Variants in THSD4 observed in about 807,000 individuals in gnomAD.
The protein encoded by THSD4 is thrombospondin type 1 domain containing 4, also known as thrombospondin type-1 domain-containing protein 4.
A neutral mutation model predicts 119.0 loss-of-function variants in THSD4; 69 were observed. The ratio of observed to expected loss-of-function variants is 0.58; its 90% CI spans 0.48 to 0.71. The LOEUF (loss-of-function observed/expected upper bound fraction) is 0.71, where lower values mean the gene tolerates loss of function less well. Among genes scored for constraint, THSD4 ranks in the 30% least tolerant of loss-of-function variants. The pLI, the probability that THSD4 is intolerant of heterozygous loss-of-function variation, is 0.00. For missense variants in THSD4, 1,393 were observed against 1,391.1 expected, an observed-to-expected ratio of 1.00 and a Z score of -0.02; for synonymous variants, 524 against 540.4, an observed-to-expected ratio of 0.97 and a Z score of 0.42.
At chr15:71,409,899 T>G (rs1378369498) in intron 6 of THSD4, among the ~76,000 whole-genome samples, 9 of 150,330 alleles carry the variant, frequency 6.0e-5, no homozygotes, top group South Asian at 4.2e-4. Context: ...TTTTTTTTTT[T>G]GTTTTTTTTA....
chr15:71,517,885 A>G (rs917730747), intron 7 of THSD4, among the ~76,000 whole-genome samples: 3 of 152,230 alleles, frequency 2.0e-5, no homozygotes, highest in Non-Finnish European at 2.9e-5. Context: ...TGCCACTTCT[A>G]TTTAATCAGA....
intron 1 of THSD4, among the ~76,000 whole-genome samples, chr15:71,103,147 CT>C (rs34279644): frequency 0.2 from 28,181 of 140,626 alleles, 2,805 homozygotes; most frequent in African/African-American, 0.3. Flanking sequence ...AAAAAGAAGG[CT>C]TTTTTTTTTT....
chr15:71,543,008 A>G (rs2048782906), intron 7 of THSD4, among the ~76,000 whole-genome samples: 2 of 152,158 alleles, frequency 1.3e-5, no homozygotes, highest in South Asian at 2.1e-4. Flanking sequence ...ACCAGGAGAG[A>G]CCACAGAAAT....
intron 7 of THSD4, among the ~76,000 whole-genome samples, chr15:71,524,870 C>A (rs2048497718): frequency 6.6e-6 from 1 of 150,926 alleles, no homozygotes; most frequent in Non-Finnish European, 1.5e-5. Flanking sequence ...CCTCGGCCTC[C>A]CAAAGTGCTG....
At chr15:71,626,779 A>G (rs553728999) in intron 7 of THSD4, among the ~76,000 whole-genome samples, 2 of 152,324 alleles carry the variant, frequency 1.3e-5, no homozygotes, top group South Asian at 2.1e-4. Context: ...ACATTTCAAA[A>G]TAGGTAGCAT....
At chr15:71,257,084 A>G (rs941546613) in intron 6 of THSD4, among the ~76,000 whole-genome samples, 2 of 152,082 alleles carry the variant, frequency 1.3e-5, no homozygotes, top group Non-Finnish European at 2.9e-5. Flanking sequence ...TCCTGCTACA[A>G]GGGGTAGTAT....
intron 8 of THSD4, among the ~76,000 whole-genome samples, chr15:71,699,489 C>G (rs1244665243): frequency 6.6e-6 from 1 of 152,082 alleles, no homozygotes; most frequent in Non-Finnish European, 1.5e-5. Flanking sequence ...TCTTTAAAGC[C>G]AATTATTCCA....
chr15:71,451,227 G>A (rs1216970829), intron 7 of THSD4, among the ~76,000 whole-genome samples: 3 of 152,182 alleles, frequency 2.0e-5, no homozygotes, highest in African/African-American at 7.2e-5. Context: ...CAAGTTATGG[G>A]AGGGTGAGTC....
chr15:71,695,600 C>T (rs965230222), intron 8 of THSD4, among the ~76,000 whole-genome samples: 7 of 151,870 alleles, frequency 4.6e-5, no homozygotes, highest in African/African-American at 1.7e-4. Context: ...CAGAGCCATT[C>T]TCCCTTAGTG....
chr15:71,233,015 GTTC>G (rs1233780537), intron 4 of THSD4, among the ~76,000 whole-genome samples: 1 of 152,182 alleles, frequency 6.6e-6, no homozygotes, highest in African/African-American at 2.4e-5. Flanking sequence ...TAAAGTCATT[GTTC>G]TTCTTCCCAC....
chr15:71,341,645 C>A, intron 6 of THSD4: 24 of 1,545,220 alleles, frequency 1.6e-5, no homozygotes, highest in Non-Finnish European at 2.1e-5. Flanking sequence ...AAAGTGAACA[C>A]GAAGATTGGA....
intron 7 of THSD4, among the ~76,000 whole-genome samples, chr15:71,564,072 C>A (rs1044857731): frequency 2.0e-5 from 3 of 152,148 alleles, no homozygotes; most frequent in African/African-American, 4.8e-5. Context: ...AGATTAGAAA[C>A]CAAGACTTCT....
At chr15:71,209,083 C>CA (rs1023450952) in intron 3 of THSD4, among the ~76,000 whole-genome samples, 9 of 152,164 alleles carry the variant, frequency 5.9e-5, no homozygotes, top group Non-Finnish European at 1.2e-4. Flanking sequence ...ACCTCACCCC[C>CA]ATCCTTTAAA....
chr15:71,109,882 C>T (rs16955152), intron 1 of THSD4, among the ~76,000 whole-genome samples: 1 of 152,114 alleles, frequency 6.6e-6, no homozygotes, highest in Non-Finnish European at 1.5e-5. Context: ...ACTTGGAGAC[C>T]GTGTGACTTT....
At chr15:71,270,988 A>G (rs1157944623) in intron 6 of THSD4, among the ~76,000 whole-genome samples, 1 of 152,090 alleles carries the variant, frequency 6.6e-6, no homozygotes, top group East Asian at 1.9e-4. Flanking sequence ...TAATAGAATG[A>G]TATCTCTGAA....
chr15:71,537,284 A>G (rs955408797), intron 7 of THSD4, among the ~76,000 whole-genome samples: 2 of 152,136 alleles, frequency 1.3e-5, no homozygotes, highest in African/African-American at 4.8e-5. Context: ...GCCATACAAC[A>G]GAAGTAGCCT....
intron 4 of THSD4, 65 bp downstream of exon 4, chr15:71,215,464 C>G (rs2140250612): frequency 2.1e-6 from 3 of 1,414,690 alleles, no homozygotes. Flanking sequence ...CTGTCCCTGC[C>G]CCTGCCTCGC....
chr15:71,248,909 G>C (rs1451163540), intron 5 of THSD4, among the ~76,000 whole-genome samples: 1 of 152,170 alleles, frequency 6.6e-6, no homozygotes, highest in African/African-American at 2.4e-5. Flanking sequence ...TGTAAAGCTT[G>C]CCAGGAACCA....
intron 4 of THSD4, among the ~76,000 whole-genome samples, chr15:71,216,283 A>C (rs1416914634): frequency 6.6e-6 from 1 of 152,244 alleles, no homozygotes; most frequent in African/African-American, 2.4e-5. Flanking sequence ...AAGCCCTGTT[A>C]ATGCCCAGCA....
Sources: gnomAD v4.1 joint callset for allele counts (sites outside exome capture counted in the v4.1 genomes callset) on GRCh38, gnomAD v4.1.1 for gene constraint, MANE v1.5 for transcripts, NCBI Gene and HGNC (gene_info 2026-07-23, HGNC 2026-07-21) for gene names.